The following VRTN variants were observed in gnomAD, a reference collection of about 807,000 sequenced individuals.
VRTN encodes vertebrae development associated.
Under a neutral mutation model 18.2 loss-of-function variants are expected in VRTN, and 5 were observed. The observed-to-expected ratio is 0.27, with a 90% confidence interval of 0.14 to 0.58. The LOEUF is 0.58. VRTN is among the 20% of genes least tolerant of loss of function. VRTN has a pLI of 0.91. For synonymous variants in VRTN, 381 were observed against 393.7 expected (o/e 0.97, Z 0.38); for missense variants, 741 against 939.4 (o/e 0.79, Z 2.76).
At chr14:74,333,603 G>T (rs920275571) in intron 1 of VRTN, among the ~76,000 whole-genome samples, 1 of 151,986 alleles carries the variant, frequency 6.6e-6, no homozygotes, top group African/African-American at 2.4e-5. Flanking sequence ...ACTTTGGGAG[G>T]CCGAGGCAGG....
At chr14:74,356,688 T>C (rs1567046421) in intron 1 of VRTN, 95 bp from the exon 2 acceptor site, 8 of 1,450,672 alleles carry the variant, frequency 5.5e-6, no homozygotes, top group Non-Finnish European at 5.5e-6. Context: ...ACATTACCTT[T>C]TGGGAGAAAG....
intron 1 of VRTN, among the ~76,000 whole-genome samples, chr14:74,304,527 G>A (rs1416660294): frequency 6.6e-6 from 1 of 152,182 alleles, no homozygotes; most frequent in East Asian, 1.9e-4. Flanking sequence ...GCGCCATTAA[G>A]TTTTGGGGCC....
chr14:74,348,181 C>T (rs1020247050), upstream of VRTN, among the ~76,000 whole-genome samples: 1 of 152,188 alleles, frequency 6.6e-6, no homozygotes, highest in Non-Finnish European at 1.5e-5. Context: ...AGACTTTCTT[C>T]CCCTAGGTCT....
At chr14:74,346,280 C>T (rs2140209127), upstream of VRTN, among the ~76,000 whole-genome samples, 1 of 152,070 alleles carries the variant, frequency 6.6e-6, no homozygotes, top group South Asian at 2.1e-4. Context: ...CCAGCAGCAA[C>T]AGAGTGAAAC....
chr14:74,317,174 G>C (rs1322062532), intron 1 of VRTN, among the ~76,000 whole-genome samples: 2 of 152,194 alleles, frequency 1.3e-5, no homozygotes, highest in East Asian at 3.8e-4. Flanking sequence ...GCTGTATGGA[G>C]AGCTAGAATG....
rs771104949 is a variant in VRTN at position 74,357,827 on chromosome 14, T to C, written c.1044T>C (p.Tyr348=). Residue 348 remains tyrosine (Y), a synonymous_variant, in exon 2 of 2, where the codon TAT becomes TAC. Coordinates refer to ENST00000256362, the MANE Select transcript of VRTN (RefSeq NM_018228.3). This position sits in a 1 kb window ranked among gnomAD's most constrained non-coding sequence, Gnocchi z 7.8. The part of the protein sequence containing the change: ...RFPEISRSTY[Y]AWKHELLGSG... ...CGGAGATCTCCCGCTCAACCTACTATGCCTGGAAGCATGAGCTGCTGGGCT... is the reference window on the plus strand; with the variant it reads ...CGGAGATCTCCCGCTCAACCTACTACGCCTGGAAGCATGAGCTGCTGGGCT... 6.2e-7 allele frequency: 1 copy of C among 1,613,514 alleles called. No individual in the cohort carries two copies. The highest frequency in any genetic ancestry group is 8.5e-7 in the Non-Finnish European group (1 of 1,180,012).
intron 1 of VRTN, among the ~76,000 whole-genome samples, chr14:74,324,636 C>A (rs2085477263): frequency 6.6e-6 from 1 of 152,036 alleles, no homozygotes; most frequent in East Asian, 1.9e-4. Flanking sequence ...ACCTGTAATC[C>A]CAGCACTTTG....
upstream of VRTN, among the ~76,000 whole-genome samples, chr14:74,344,010 C>G (rs2085625480): frequency 6.6e-6 from 1 of 150,944 alleles, no homozygotes; most frequent in South Asian, 2.1e-4. Context: ...GTGGGCCAGG[C>G]TGGTCTCGAA....
intron 1 of VRTN, among the ~76,000 whole-genome samples, chr14:74,319,429 G>A (rs2085438392): frequency 6.6e-6 from 1 of 152,194 alleles, no homozygotes; most frequent in African/African-American, 2.4e-5. Context: ...ATCAAGTGTG[G>A]TTCTGCAGCT....
chr14:74,312,793 G>C (rs758549762), intron 1 of VRTN, among the ~76,000 whole-genome samples: 1 of 138,660 alleles, frequency 7.2e-6, no homozygotes, highest in South Asian at 2.3e-4. Flanking sequence ...TCGCTCTGGC[G>C]CCCAGGCTGG....
At chr14:74,340,335 C>T (rs2085595156) in intron 2 of VRTN, among the ~76,000 whole-genome samples, 1 of 152,198 alleles carries the variant, frequency 6.6e-6, no homozygotes, top group Non-Finnish European at 1.5e-5. Flanking sequence ...TGGTCTCAAA[C>T]TCCTGACCTC....
intron 1 of VRTN, chr14:74,306,084 G>C (rs764913374): frequency 2.8e-5 from 4 of 142,334 alleles, no homozygotes; most frequent in African/African-American, 1.0e-4. Flanking sequence ...TAAATTTAAA[G>C]ATTATATATA....
intron 1 of VRTN, among the ~76,000 whole-genome samples, chr14:74,349,361 G>A (rs1254059963): frequency 1.3e-5 from 2 of 152,218 alleles, no homozygotes; most frequent in African/African-American, 4.8e-5. Flanking sequence ...CAGTCGGGCT[G>A]GTGTGGCCAG....
chr14:74,359,148 A>C lies in VRTN; in HGVS notation c.*256A>C. 3.1e-6 allele frequency: 2 copies of C among 646,166 alleles called. No homozygotes were observed. Among genetic ancestry groups the C allele is most frequent in the East Asian group, 3.8e-5 (1 of 26,106 alleles). 40.0% of individuals were successfully genotyped at this position (646,166 alleles called of 1,614,324 possible). ...GTTTGCTGGTCATATTTTTACTGTT[A>C]TGATTTAGTTTTTGGTTTTGATTTG... On this transcript the variant is annotated 3_prime_UTR_variant, in exon 2 of 2. Transcript: ENST00000256362.
chr14:74,310,826 C>T (rs1452161754), intron 1 of VRTN, among the ~76,000 whole-genome samples: 1 of 152,076 alleles, frequency 6.6e-6, no homozygotes, highest in Non-Finnish European at 1.5e-5. Flanking sequence ...GCATGAGCCA[C>T]TGCACCCGGT....
intron 2 of VRTN, among the ~76,000 whole-genome samples, chr14:74,340,110 ATTTT>A (rs71115984): frequency 2.6e-5 from 3 of 113,216 alleles, no homozygotes; most frequent in Non-Finnish European, 3.5e-5. Context: ...TAATGTTTGT[ATTTT>A]TTTTTTTTTT....
chr14:74,321,051 T>G (rs1024198586), intron 1 of VRTN, among the ~76,000 whole-genome samples: 6 of 152,000 alleles, frequency 3.9e-5, no homozygotes, highest in Non-Finnish European at 8.8e-5. Flanking sequence ...CAAGAGCAGG[T>G]TCCATGGAGT....
At chr14:74,334,498 C>A (rs1011095217) in intron 1 of VRTN, among the ~76,000 whole-genome samples, 1 of 152,112 alleles carries the variant, frequency 6.6e-6, no homozygotes, top group Non-Finnish European at 1.5e-5. Context: ...CCACTGCACT[C>A]CAGGCTGGAT....
intron 1 of VRTN, among the ~76,000 whole-genome samples, chr14:74,327,628 C>T (rs547091140): frequency 2.6e-5 from 4 of 152,274 alleles, no homozygotes; most frequent in South Asian, 2.1e-4. Flanking sequence ...TGCTGCTCCG[C>T]GATTCCTCCT....
Sources: gnomAD v4.1 joint callset for allele counts (sites outside exome capture counted in the v4.1 genomes callset) on GRCh38, gnomAD v4.1.1 for gene constraint, Gnocchi (gnomAD v3.1) non-coding constraint, MANE v1.5 for transcripts, NCBI Gene and HGNC (gene_info 2026-07-23, HGNC 2026-07-21) for gene names.